The following MTF1 variants were observed in gnomAD, a reference collection of about 807,000 sequenced individuals.
MTF1 encodes metal regulatory transcription factor 1, also known as MRE-binding transcription factor.
A neutral mutation model predicts 70.4 loss-of-function variants in MTF1; 22 were observed. The observed-to-expected ratio is 0.31, with a 90% CI of 0.22 to 0.45. MTF1 has a LOEUF of 0.45. Ranked by LOEUF, MTF1 falls within the 20% of genes least tolerant of loss-of-function variation. MTF1 has a pLI of 1.00. For missense variants in MTF1, 649 were observed against 922.0 expected (o/e 0.70, Z 3.83); for synonymous variants, 333 against 352.8 (o/e 0.94, Z 0.63).
chr1:37,824,903 G>A (rs981115831), intron 7 of MTF1, among the ~76,000 whole-genome samples: 2 of 151,964 alleles, frequency 1.3e-5, no homozygotes, highest in Non-Finnish European at 2.9e-5. Flanking sequence ...AAAATGTGAG[G>A]GGGGAGACCC....
In MTF1 at chr1:37,810,417, A is replaced by G. The variant is rs1640698227; in HGVS notation, c.*4719T>C. 6.6e-6 allele frequency: 1 copy of G among 152,264 alleles called. No homozygotes were observed. Among genetic ancestry groups the G allele is most frequent in the South Asian group, 2.1e-4 (1 of 4,838 alleles). The allele number at this position is 152,264 out of a possible 1,614,324, so 9.4% of individuals were successfully genotyped here. On this transcript the variant is annotated 3_prime_UTR_variant, in exon 11 of 11. Transcript: ENST00000373036. ...AAGCTTGTACTATGTACACATTGAC[A>G]TAAAGATCCAGTTTAATTTGCATTT...
intron 6 of MTF1, chr1:37,834,681 GAAGTA>G (rs1475139575): frequency 2.2e-6 from 1 of 460,430 alleles, no homozygotes; most frequent in Non-Finnish European, 4.3e-6. Context: ...TAGACTGAAT[GAAGTA>G]ATCAGAAGAA....
intron 7 of MTF1, among the ~76,000 whole-genome samples, chr1:37,826,197 T>G (rs1358912246): frequency 6.6e-6 from 1 of 152,132 alleles, no homozygotes; most frequent in African/African-American, 2.4e-5. Context: ...TGGGATTGGG[T>G]AGAAGTGTGG....
intron 2 of MTF1, among the ~76,000 whole-genome samples, chr1:37,844,776 GT>G (rs1194105320): frequency 2.0e-5 from 3 of 152,110 alleles, no homozygotes; most frequent in African/African-American, 7.2e-5. Context: ...TCCCATTCAT[GT>G]TTTTTCATTT....
chr1:37,848,858 C>T (rs751190941), intron 2 of MTF1, among the ~76,000 whole-genome samples: 3 of 152,136 alleles, frequency 2.0e-5, no homozygotes, highest in African/African-American at 4.8e-5. Flanking sequence ...ACTAAAAAGT[C>T]GGTAGTTCCC....
Position 37,857,542 on chromosome 1 carries a change from T to A in MTF1, c.117A>T (p.Ser39=), listed in dbSNP as rs1641516914. The A allele has an allele frequency of 6.2e-7, 1 of 1,614,082 alleles. No homozygotes were observed. ...FVDKNGLVPS[S]SGTVYDRTTV... Reference sequence around the variant, plus strand: ...TGGTCCTATCATAAACAGTTCCAGATGAGGAAGGCACCAGTCCGTTTTTAT... The same window carrying A: ...TGGTCCTATCATAAACAGTTCCAGAAGAGGAAGGCACCAGTCCGTTTTTAT... Residue 39 remains serine, a synonymous_variant, in exon 2 of 11, where the codon TCA becomes TCT. Transcript: ENST00000373036.
chr1:37,827,504 C>T (rs1199488535), intron 7 of MTF1, among the ~76,000 whole-genome samples: 1 of 152,000 alleles, frequency 6.6e-6, no homozygotes, highest in African/African-American at 2.4e-5. Context: ...ACTACAGGCG[C>T]CTGCCATCAT....
In MTF1 at chr1:37,835,044, T is replaced by C. The variant is rs770610491; in HGVS notation, c.990+35A>G. 12 of 1,609,166 alleles carry C rather than the reference T, an allele frequency of 7.5e-6. No homozygotes were observed. The South Asian group carries it at 9.9e-5, about 13-fold the overall frequency. The stretch of plus-strand genomic sequence containing the variant: ...TACACAAACAACTGTTGAAGTTCTA[T>C]GGTACCCAGATCAAGAGACAAAAAC... On this transcript the variant is annotated intron_variant, in intron 6 of 10. Coordinates refer to ENST00000373036, the MANE Select transcript of MTF1 (RefSeq NM_005955.3).
Position 37,857,176 on chromosome 1 carries a change from C to T in MTF1, c.408+75G>A. ...CCCCATGCACTCCTTTACTCCCCAG[C>T]TAAAATTTGCACCAAGAATTTTGTA... is the stretch of plus-strand genomic sequence containing the variant. On this transcript the variant is annotated intron_variant, in intron 2 of 10. Transcript: ENST00000373036. 3 of 1,477,138 alleles carry T rather than the reference C, an allele frequency of 2.0e-6. No individual in the cohort carries two copies. The South Asian group carries it at 3.8e-5, about 19-fold the overall frequency. 91.5% of individuals were successfully genotyped at this position (1,477,138 alleles called of 1,614,324 possible).
intron 2 of MTF1, among the ~76,000 whole-genome samples, chr1:37,842,409 A>G (rs1179758073): frequency 4.6e-5 from 7 of 152,240 alleles, no homozygotes; most frequent in African/African-American, 1.7e-4. Flanking sequence ...CTTTACTGTA[A>G]GAAATTATTC....
rs1640788133 is a variant in MTF1, at chr1:37,814,688, T to C, written c.*448A>G. The stretch of plus-strand genomic sequence containing the variant: ...GCAAGGGTCTGGCCTTCCAAGCAAA[T>C]GTCAGCCTCAGATTCAAAAGACACA... On this transcript the variant is annotated 3_prime_UTR_variant, in exon 11 of 11. Transcript: ENST00000373036. 1 of 175,898 alleles carries C rather than the reference T, an allele frequency of 5.7e-6. No homozygotes were observed. The highest frequency in any genetic ancestry group is 2.4e-5 in the African/African-American group (1 of 41,620). The allele number at this position is 175,898 out of a possible 1,614,324, so 10.9% of individuals were successfully genotyped here. A position where few individuals can be genotyped will look rare whatever the true frequency, so the allele number is the denominator to read the frequency against.
Position 37,822,393 on chromosome 1 carries a change from G to A in MTF1, c.1495C>T (p.Leu499Phe). The change falls in exon 9 of 11, where the codon CTT becomes TTT. Residue 499 changes from leucine (L) to phenylalanine (F), a missense_variant. Physicochemically the swap from Leu to Phe is conservative, Grantham distance 22. Transcript: ENST00000373036. ...PQAPQPIVPG[L>F]SVVAGASASA... ...GCAGAAGCCCCAGCAACAACAGAAAGTCCTGGTACAATGGGCTGCGGTGCC... is the reference window on the plus strand; with the variant it reads ...GCAGAAGCCCCAGCAACAACAGAAAATCCTGGTACAATGGGCTGCGGTGCC... The A allele has an allele frequency of 6.2e-7, 1 of 1,614,162 alleles. No individual in the cohort carries two copies. The highest frequency in any genetic ancestry group is 1.6e-4 in the Middle Eastern group (1 of 6,062).
Position 37,813,980 on chromosome 1 carries a change from A to T in MTF1, c.*1156T>A, listed in dbSNP as rs1569837998. ...TTTGCTATACCCTGAGTAGAAGATC[A>T]TCGTTTTGTGTTTCTTTTTTTTTTT... On this transcript the variant is annotated 3_prime_UTR_variant, in exon 11 of 11. Transcript: ENST00000373036. The T allele has an allele frequency of 6.6e-6, 1 of 150,634 alleles. No individual in the cohort carries two copies. Among genetic ancestry groups the T allele is most frequent in the Non-Finnish European group, 1.5e-5 (1 of 67,726 alleles). The allele number at this position is 150,634 out of a possible 1,614,324, so 9.3% of individuals were successfully genotyped here.
Position 37,840,056 on chromosome 1 carries a change from C to G in MTF1, c.511G>C (p.Val171Leu). The part of the protein sequence containing the change: ...QKTHRGEYTF[V>L]CNQEGCGKAF... ...TTGCCACAGCCCTCCTGATTACAGA[C>G]AAAGGTGTACTCTCCTCGGTGAGTC... The change falls in exon 3 of 11, where the codon GTC (valine) becomes CTC (leucine). Residue 171 changes from valine to leucine, a missense_variant. Coordinates refer to ENST00000373036, the MANE Select transcript of MTF1 (RefSeq NM_005955.3). This position sits in a 1 kb window ranked among gnomAD's most constrained non-coding sequence, Gnocchi z 4.5. The G allele has an allele frequency of 1.9e-6, 3 of 1,614,254 alleles. No individual in the cohort carries two copies. The highest frequency in any genetic ancestry group is 2.5e-6 in the Non-Finnish European group (3 of 1,180,052).
At chr1:37,838,801 T>TTG in intron 3 of MTF1, 45 bp from the exon 4 acceptor site, 2 of 1,120,604 alleles carry the variant, frequency 1.8e-6, no homozygotes, top group African/African-American at 1.7e-5. Context: ...AAAATTCTTT[T>TTG]TTTTTTTTTT....
intron 2 of MTF1, among the ~76,000 whole-genome samples, chr1:37,846,285 A>T (rs909946946): frequency 2.9e-4 from 44 of 152,102 alleles, no homozygotes; most frequent in Non-Finnish European, 7.4e-5. Context: ...TATACCAAAG[A>T]AACATGTAAC....
chr1:37,845,589 G>C (rs562260108), intron 2 of MTF1, among the ~76,000 whole-genome samples: 30 of 152,310 alleles, frequency 2.0e-4, no homozygotes, highest in Middle Eastern at 3.4e-3. Context: ...GCTCACTACA[G>C]CCTCAACCTC....
At chr1:37,851,689 G>A (rs139393161) in intron 2 of MTF1, among the ~76,000 whole-genome samples, 63 of 152,166 alleles carry the variant, frequency 4.1e-4, no homozygotes, top group African/African-American at 1.4e-3. Context: ...AATGTTTCCC[G>A]AACATTCGCT....
At chr1:37,843,674 T>G (rs1431973081) in intron 2 of MTF1, among the ~76,000 whole-genome samples, 1 of 152,214 alleles carries the variant, frequency 6.6e-6, no homozygotes, top group East Asian at 1.9e-4. Context: ...AATTTGAATT[T>G]CATATACCAT....
Sources: gnomAD v4.1 joint callset for allele counts (sites outside exome capture counted in the v4.1 genomes callset) on GRCh38, gnomAD v4.1.1 for gene constraint, Gnocchi (gnomAD v3.1) non-coding constraint, MANE v1.5 for transcripts, NCBI Gene and HGNC (gene_info 2026-07-23, HGNC 2026-07-21) for gene names.